Variants in THSD7A observed in about 807,000 individuals in gnomAD.
The protein encoded by THSD7A is thrombospondin type-1 domain-containing protein 7A.
THSD7A carries 96 observed loss-of-function variants against 231.3 expected under a neutral mutation model. That is an observed-to-expected ratio of 0.41 (90% CI 0.35 to 0.49). The LOEUF (loss-of-function observed/expected upper bound fraction) is 0.49. Ranked by LOEUF, THSD7A falls within the 20% of genes least tolerant of loss-of-function variation. THSD7A has a pLI of 0.05. For missense variants in THSD7A, 2,290 were observed against 2,070.2 expected, an observed-to-expected ratio of 1.11 and a Z score of -2.06; for synonymous variants, 940 against 743.3, an observed-to-expected ratio of 1.26 and a Z score of -4.30.
chr7:11,597,457 G>C (rs1780404188), intron 2 of THSD7A, among the ~76,000 whole-genome samples: 1 of 152,182 alleles, frequency 6.6e-6, no homozygotes, highest in Non-Finnish European at 1.5e-5. Context: ...TGTGCAAGCT[G>C]CTCTGCCACT....
chr7:11,656,888 C>T (rs981250163), intron 1 of THSD7A, among the ~76,000 whole-genome samples: 9 of 151,696 alleles, frequency 5.9e-5, no homozygotes, highest in Non-Finnish European at 1.0e-4. Context: ...AAACAAAGGA[C>T]AAACATTTGT....
At chr7:11,476,541 G>C (rs1266127404) in intron 7 of THSD7A, among the ~76,000 whole-genome samples, 1 of 152,038 alleles carries the variant, frequency 6.6e-6, no homozygotes, top group East Asian at 1.9e-4. Context: ...AAAGCACCAG[G>C]TACAGTGGCT....
At chr7:11,524,625 CAG>C (rs1788398803) in intron 6 of THSD7A, among the ~76,000 whole-genome samples, 2 of 152,118 alleles carry the variant, frequency 1.3e-5, no homozygotes, top group East Asian at 3.9e-4. Flanking sequence ...CAGCCGGAAA[CAG>C]AGCTCCACAG....
In THSD7A at chr7:11,477,606, A is replaced by G. The variant is rs537678745; in HGVS notation, c.2018-3038T>C. On this transcript the variant is annotated intron_variant, in intron 7 of 27. Coordinates refer to ENST00000423059, the MANE Select transcript of THSD7A (RefSeq NM_015204.3). ...GGTCTGTTGGTATTATTATTTTGTC[A>G]TTAAAATTGTTTGCAAATGTGGTCA... is the stretch of plus-strand genomic sequence containing the variant. Among the ~76,000 whole-genome samples the G allele has an allele frequency of 9.8e-4, 149 of 152,212 alleles. 1 individual carries two copies. Among genetic ancestry groups the G allele is most frequent in the African/African-American group, 3.5e-3 (144 of 41,542 alleles).
intron 1 of THSD7A, among the ~76,000 whole-genome samples, chr7:11,677,743 G>A (rs1246153431): frequency 6.6e-6 from 1 of 151,888 alleles, no homozygotes; most frequent in African/African-American, 2.4e-5. Context: ...CACAATAATA[G>A]TGGGAGACTT....
intron 13 of THSD7A, among the ~76,000 whole-genome samples, chr7:11,440,628 A>C (rs1784774330): frequency 6.6e-6 from 1 of 152,038 alleles, no homozygotes; most frequent in African/African-American, 2.4e-5. Context: ...AAGTAATTGC[A>C]GATGTGGTAG....
chr7:11,661,266 CA>C (rs367615225), intron 1 of THSD7A, among the ~76,000 whole-genome samples: 5 of 151,234 alleles, frequency 3.3e-5, no homozygotes, highest in African/African-American at 1.2e-4. Context: ...ACACCAAACA[CA>C]AATATAAATT....
At chr7:11,788,505 T>C (rs1343937916) in intron 1 of THSD7A, among the ~76,000 whole-genome samples, 1 of 152,082 alleles carries the variant, frequency 6.6e-6, no homozygotes, top group East Asian at 1.9e-4. Flanking sequence ...TGTCTTCCTT[T>C]CAGCTGCTAC....
chr7:11,447,196 C>G (rs369146111), intron 12 of THSD7A, 34 bp downstream of exon 12: 1 of 1,599,242 alleles, frequency 6.3e-7, no homozygotes, highest in Non-Finnish European at 8.6e-7. Flanking sequence ...TCTACTTTGA[C>G]GTGTACTGGC....
intron 4 of THSD7A, among the ~76,000 whole-genome samples, chr7:11,586,829 C>T (rs970171026): frequency 6.6e-6 from 1 of 152,110 alleles, no homozygotes; most frequent in Non-Finnish European, 1.5e-5. Context: ...CGCCTATCTT[C>T]CCATTGATCC....
intron 1 of THSD7A, among the ~76,000 whole-genome samples, chr7:11,656,619 A>G (rs1782718593): frequency 6.6e-6 from 1 of 151,862 alleles, no homozygotes; most frequent in African/African-American, 2.4e-5. Context: ...AAGAATTAGT[A>G]CCTACGGCTC....
chr7:11,613,948 C>T (rs1781021979), intron 2 of THSD7A, among the ~76,000 whole-genome samples: 1 of 152,120 alleles, frequency 6.6e-6, no homozygotes, highest in African/African-American at 2.4e-5. Context: ...TGCAAATGAA[C>T]AAAAGCAATA....
intron 1 of THSD7A, among the ~76,000 whole-genome samples, chr7:11,788,369 T>C (rs971015101): frequency 6.6e-6 from 1 of 152,074 alleles, no homozygotes; most frequent in African/African-American, 2.4e-5. Flanking sequence ...TATGTTCTTC[T>C]ATAGTCTTGC....
intron 9 of THSD7A, among the ~76,000 whole-genome samples, chr7:11,464,589 C>G (rs552895285): frequency 6.6e-6 from 1 of 152,132 alleles, no homozygotes; most frequent in East Asian, 1.9e-4. Context: ...AATGCCTTCT[C>G]ATCACAAACT....
At chr7:11,407,882 T>A (rs1159965307) in intron 19 of THSD7A, among the ~76,000 whole-genome samples, 1 of 152,210 alleles carries the variant, frequency 6.6e-6, no homozygotes, top group African/African-American at 2.4e-5. Flanking sequence ...CATAAATTCA[T>A]ACTCAAAACT....
At chr7:11,498,408 A>C (rs1787193768) in intron 6 of THSD7A, among the ~76,000 whole-genome samples, 1 of 152,032 alleles carries the variant, frequency 6.6e-6, no homozygotes, top group African/African-American at 2.4e-5. Flanking sequence ...CTTCCTCCTC[A>C]CTGGGTGGAA....
At chr7:11,513,695 T>A (rs1441894194) in intron 6 of THSD7A, among the ~76,000 whole-genome samples, 1 of 152,074 alleles carries the variant, frequency 6.6e-6, no homozygotes, top group Non-Finnish European at 1.5e-5. Flanking sequence ...GTGATGAAAA[T>A]ATTTTGGAAC....
At chr7:11,638,685 G>C (rs1781962120) in intron 1 of THSD7A, among the ~76,000 whole-genome samples, 1 of 152,058 alleles carries the variant, frequency 6.6e-6, no homozygotes, top group East Asian at 1.9e-4. Context: ...ATGCTTATTA[G>C]TGATGTAACA....
At chr7:11,652,433 A>C (rs532681403) in intron 1 of THSD7A, among the ~76,000 whole-genome samples, 2 of 152,014 alleles carry the variant, frequency 1.3e-5, no homozygotes, top group Admixed American at 6.6e-5. Flanking sequence ...CCTTAATGCA[A>C]TGGCATTAAT....
Sources: gnomAD v4.1 joint callset for allele counts (sites outside exome capture counted in the v4.1 genomes callset) on GRCh38, gnomAD v4.1.1 for gene constraint, MANE v1.5 for transcripts, NCBI Gene and HGNC (gene_info 2026-07-23, HGNC 2026-07-21) for gene names.